Variants in RGS6 observed in about 807,000 individuals in gnomAD.
The protein encoded by RGS6 is regulator of G protein signaling 6.
A neutral mutation model predicts 78.5 loss-of-function variants in RGS6; 30 were observed. The observed-to-expected ratio is 0.38, with a 90% CI of 0.29 to 0.52. The LOEUF (loss-of-function observed/expected upper bound fraction) is 0.52, where lower values mean the gene tolerates loss of function less well. RGS6 is among the 20% of genes least tolerant of loss of function. The pLI is 0.85. For missense variants in RGS6, 495 were observed against 609.7 expected (o/e 0.81, Z 1.98); for synonymous variants, 206 against 206.0 (o/e 1.00, Z 0.00).
the RGS6 span, among the ~76,000 whole-genome samples, chr14:72,587,331 T>C: frequency 6.6e-6 from 1 of 151,886 alleles, no homozygotes; most frequent in Non-Finnish European, 1.5e-5. Context: ...ATGGCAGCCA[T>C]ATATGGGGAG....
rs1418441156 is a variant in RGS6, at chr14:72,365,576, G to A, written c.184+13382G>A. On this transcript the variant is annotated intron_variant, in intron 3 of 17. Transcript: ENST00000553525. Reference sequence around the variant, plus strand: ...TCCATCTCACAAATTAAATTTGTTTGGTGAATTCCTGAAGGATCCATACAG... The same window carrying A: ...TCCATCTCACAAATTAAATTTGTTTAGTGAATTCCTGAAGGATCCATACAG... Among the ~76,000 whole-genome samples, 4 of 152,256 alleles carry A rather than the reference G, an allele frequency of 2.6e-5. No homozygotes were observed. The East Asian group carries it at 5.8e-4, about 22-fold the overall frequency.
At chr14:72,510,827 G>A (rs770217223) in intron 14 of RGS6, among the ~76,000 whole-genome samples, 1 of 152,152 alleles carries the variant, frequency 6.6e-6, no homozygotes, top group Non-Finnish European at 1.5e-5. Flanking sequence ...GACTTCTGTC[G>A]ACTCCAAATA....
chr14:72,024,336 C>T (rs111850693), intron 2 of RGS6, among the ~76,000 whole-genome samples: 2 of 152,190 alleles, frequency 1.3e-5, no homozygotes, highest in African/African-American at 2.4e-5. Context: ...GATTCAGATA[C>T]GTGGCTGGCA....
intron 3 of RGS6, among the ~76,000 whole-genome samples, chr14:72,394,874 T>A (rs1175042957): frequency 6.6e-6 from 1 of 152,180 alleles, no homozygotes; most frequent in African/African-American, 2.4e-5. Flanking sequence ...ATCTTCACAG[T>A]TTATGTTCAG....
intron 2 of RGS6, among the ~76,000 whole-genome samples, chr14:71,976,343 G>A (rs1037886285): frequency 1.3e-5 from 2 of 149,388 alleles, no homozygotes; most frequent in African/African-American, 5.0e-5. Context: ...CATGTGCCAT[G>A]CTGGTGCGCT....
chr14:72,139,772 A>G (rs1052633645), intron 2 of RGS6, among the ~76,000 whole-genome samples: 8 of 152,256 alleles, frequency 5.3e-5, no homozygotes, highest in Non-Finnish European at 1.2e-4. Context: ...ATAAAGTATT[A>G]GAACCCAGAA....
rs113590610 is a variant in RGS6, at chr14:72,125,759, A to T, written c.84+160884A>T. On this transcript the variant is annotated intron_variant, in intron 2 of 17. Transcript: ENST00000553525. The stretch of plus-strand genomic sequence containing the variant: ...TCTTCATAGGATGTATGTTCATGAA[A>T]TGGCATTGTTAGCATGATCTGAGGG... 2.4e-3 allele frequency among the ~76,000 whole-genome samples: 372 copies of T among 152,282 alleles called. 2 individuals carry two copies. The highest frequency in any genetic ancestry group is 8.5e-3 in the African/African-American group (354 of 41,568).
chr14:72,232,970 G>A (rs570318380), intron 2 of RGS6, among the ~76,000 whole-genome samples: 9 of 152,284 alleles, frequency 5.9e-5, no homozygotes, highest in East Asian at 3.9e-4. Context: ...GTAAGGGAGC[G>A]TTGTCTGAGG....
intron 3 of RGS6, among the ~76,000 whole-genome samples, chr14:72,426,123 T>C (rs1423297136): frequency 6.6e-6 from 1 of 152,218 alleles, no homozygotes; most frequent in African/African-American, 2.4e-5. Flanking sequence ...TGCGAACGTA[T>C]GTTTATGTTG....
At chr14:72,121,106 C>T (rs1470223684) in intron 2 of RGS6, among the ~76,000 whole-genome samples, 4 of 152,162 alleles carry the variant, frequency 2.6e-5, no homozygotes, top group Non-Finnish European at 5.9e-5. Flanking sequence ...AGTCATCCTC[C>T]TCTTCACCAA....
chr14:72,169,849 TG>T (rs1235098762), intron 2 of RGS6, among the ~76,000 whole-genome samples: 2 of 152,238 alleles, frequency 1.3e-5, no homozygotes, highest in Admixed American at 1.3e-4. Context: ...TCTTTAGGAA[TG>T]CAGAATCTTT....
At chr14:71,965,201 G>T (rs1217953072) in intron 2 of RGS6, among the ~76,000 whole-genome samples, 1 of 152,228 alleles carries the variant, frequency 6.6e-6, no homozygotes, top group African/African-American at 2.4e-5. Flanking sequence ...CAGACTCGTA[G>T]TATGTACAAA....
intron 2 of RGS6, among the ~76,000 whole-genome samples, chr14:71,965,381 C>G (rs1394613603): frequency 1.3e-5 from 2 of 152,188 alleles, no homozygotes; most frequent in East Asian, 1.9e-4. Flanking sequence ...GGCCAGTTCT[C>G]CCAGCCTCAG....
chr14:72,147,431 G>C (rs546214067), intron 2 of RGS6, among the ~76,000 whole-genome samples: 6 of 152,320 alleles, frequency 3.9e-5, no homozygotes, highest in African/African-American at 1.4e-4. Flanking sequence ...GCAGAAGGCA[G>C]AAGGGCAAGA....
At chr14:72,300,234 G>T (rs2065772362) in intron 2 of RGS6, among the ~76,000 whole-genome samples, 1 of 151,054 alleles carries the variant, frequency 6.6e-6, no homozygotes, top group African/African-American at 2.4e-5. Flanking sequence ...CTTTAACATA[G>T]ATTTCCAAAC....
At chr14:72,027,995 G>C (rs111329854) in intron 2 of RGS6, among the ~76,000 whole-genome samples, 1 of 152,136 alleles carries the variant, frequency 6.6e-6, no homozygotes, top group Non-Finnish European at 1.5e-5. Flanking sequence ...CATTGTTTTC[G>C]TTTGGGGACT....
intron 2 of RGS6, among the ~76,000 whole-genome samples, chr14:72,184,369 A>AACACACACACACACACACACACAC (rs10638767): frequency 7.8e-5 from 11 of 141,374 alleles, no homozygotes; most frequent in African/African-American, 2.7e-4. Context: ...TTTACTTTCA[A>AACACACACACACACACACACACAC]ACACACACAC....
At chr14:72,281,918 A>AT (rs1443431921) in intron 2 of RGS6, among the ~76,000 whole-genome samples, 5 of 152,180 alleles carry the variant, frequency 3.3e-5, no homozygotes, top group African/African-American at 1.2e-4. Context: ...GACACAAGGT[A>AT]TTGGAAGACA....
At chr14:72,491,119 G>C (rs2096572142) in intron 12 of RGS6, among the ~76,000 whole-genome samples, 1 of 152,154 alleles carries the variant, frequency 6.6e-6, no homozygotes, top group Non-Finnish European at 1.5e-5. Context: ...TCAGTAGTAG[G>C]AATTGTGGCT....
Sources: allele counts gnomAD v4.1 joint callset (sites outside exome capture counted in the v4.1 genomes callset), GRCh38; gene constraint gnomAD v4.1.1; transcripts MANE v1.5; gene names NCBI Gene and HGNC (gene_info 2026-07-23, HGNC 2026-07-21).